The following KMT2E variants were observed in gnomAD, a reference collection of about 807,000 sequenced individuals.
The protein encoded by KMT2E is lysine methyltransferase 2E (inactive).
Under a neutral mutation model 184.6 loss-of-function variants are expected in KMT2E, and 30 were observed. That is an observed-to-expected ratio of 0.16 (90% CI 0.12 to 0.22). The LOEUF is 0.22. Among genes scored for constraint, KMT2E ranks in the 10% least tolerant of loss-of-function variants. KMT2E has a pLI of 1.00. For missense variants in KMT2E, 2,023 were observed against 2,237.4 expected, an observed-to-expected ratio of 0.90 and a Z score of 1.93; for synonymous variants, 815 against 776.5, an observed-to-expected ratio of 1.05 and a Z score of -0.82.
In KMT2E at chr7:105,107,707, T is replaced by C. The variant is rs553878598; in HGVS notation, c.3250T>C (p.Leu1084=). Residue 1084 remains leucine (L), a synonymous_variant, in exon 22 of 27, where the codon TTG becomes CTG. Coordinates refer to ENST00000311117, the MANE Select transcript of KMT2E (RefSeq NM_182931.3). ...TGVNFSVNSN[L]RDLTPSHQLE... ...AGTTAACTTCTCAGTGAACTCCAACTTGAGGGACCTGACACCCTCGCATCA... is the reference window on the plus strand; with the variant it reads ...AGTTAACTTCTCAGTGAACTCCAACCTGAGGGACCTGACACCCTCGCATCA... 3 of 1,614,118 alleles carry C rather than the reference T, an allele frequency of 1.9e-6. No individual in the cohort carries two copies. The South Asian group carries it at 3.3e-5, about 18-fold the overall frequency.
At chr7:105,050,114 C>T (rs990948392) in intron 3 of KMT2E, among the ~76,000 whole-genome samples, 2 of 152,112 alleles carry the variant, frequency 1.3e-5, no homozygotes, top group Non-Finnish European at 2.9e-5. Context: ...TATTTCATTT[C>T]TCTAATCCTC....
At chr7:105,037,286 A>AT in intron 1 of KMT2E, among the ~76,000 whole-genome samples, 1 of 152,030 alleles carries the variant, frequency 6.6e-6, no homozygotes, top group Middle Eastern at 3.4e-3. Context: ...TTAGAAAAAT[A>AT]TTTTTACTCA....
intron 3 of KMT2E, among the ~76,000 whole-genome samples, chr7:105,050,643 CTTT>C (rs372753761): frequency 0.02 from 1,789 of 87,822 alleles, 24 homozygotes; most frequent in East Asian, 0.1. Flanking sequence ...TTTCTCTTTT[CTTT>C]TTTCTTTCTT....
At chr7:105,050,646 T>TC (rs1554385503) in intron 3 of KMT2E, among the ~76,000 whole-genome samples, 3 of 85,130 alleles carry the variant, frequency 3.5e-5, no homozygotes, top group African/African-American at 7.7e-5. Flanking sequence ...CTCTTTTCTT[T>TC]TTTCTTTCTT....
intron 11 of KMT2E, among the ~76,000 whole-genome samples, chr7:105,078,167 G>T (rs185623107): frequency 1.3e-5 from 2 of 152,088 alleles, no homozygotes; most frequent in East Asian, 1.9e-4. Flanking sequence ...GATCTGAAAC[G>T]GTATAAGACA....
chr7:105,110,325 G>C lies in KMT2E; in HGVS notation c.3801G>C (p.Gln1267His). ...AACAAGTCAGAGAAAGGAGTTATCA[G>C]AGAGCTTTACTTCTCAGTGATCACC... is the stretch of plus-strand genomic sequence containing the variant. ...SVEQVRERSY[Q>H]RALLLSDHRK... The change falls in exon 24 of 27, where the codon CAG (glutamine) becomes CAC (histidine). Residue 1267 changes from glutamine to histidine, a missense_variant. Physicochemically the swap from Gln to His is conservative, Grantham distance 24 (BLOSUM62 0). Transcript: ENST00000311117. 1.2e-6 allele frequency: 2 copies of C among 1,614,186 alleles called. No homozygotes were observed. Among genetic ancestry groups the C allele is most frequent in the South Asian group, 1.1e-5 (1 of 91,082 alleles).
intron 1 of KMT2E, among the ~76,000 whole-genome samples, chr7:105,032,533 G>A (rs991437506): frequency 6.6e-6 from 1 of 152,126 alleles, no homozygotes; most frequent in African/African-American, 2.4e-5. Flanking sequence ...ACAGAGTCTT[G>A]GTCTGTTCCC....
Position 105,113,216 on chromosome 7 carries a change from G to A in KMT2E, c.5460G>A (p.Leu1820=). ...GTCCTCATCCTGGCTCTGTGGCCCT[G>A]CCACATGGGGTTCAAGGACCTCAGC... ...GFCPHPGSVA[L]PHGVQGPQQA... Residue 1820 remains leucine, a synonymous_variant, in exon 27 of 27, where the codon CTG becomes CTA. Transcript: ENST00000311117. The A allele has an allele frequency of 1.2e-6, 2 of 1,614,202 alleles. No individual in the cohort carries two copies. Among genetic ancestry groups the A allele is most frequent in the Non-Finnish European group, 1.7e-6 (2 of 1,180,036 alleles).
At chr7:105,034,100 C>G (rs764879204) in intron 1 of KMT2E, among the ~76,000 whole-genome samples, 1 of 152,186 alleles carries the variant, frequency 6.6e-6, no homozygotes, top group Non-Finnish European at 1.5e-5. Flanking sequence ...CACATCGTAA[C>G]CTTGCTTCAC....
In KMT2E at chr7:105,037,420, T is replaced by A. The variant is rs184026200; in HGVS notation, c.-188-706T>A. 2.3e-3 allele frequency among the ~76,000 whole-genome samples: 348 copies of A among 152,258 alleles called. 6 individuals carry two copies. The highest frequency in any genetic ancestry group is 1.4e-3 in the Non-Finnish European group (95 of 68,028). ...CTCTGTCAGCCAGGCTGGAGTGCAG[T>A]TGTGCAATCGTGGCTCACTGCAGCC... On this transcript the variant is annotated intron_variant, in intron 1 of 26. Coordinates refer to ENST00000311117, the MANE Select transcript of KMT2E (RefSeq NM_182931.3).
intron 2 of KMT2E, chr7:105,039,029 T>C (rs997945800): frequency 6.6e-6 from 1 of 152,186 alleles, no homozygotes; most frequent in Non-Finnish European, 1.5e-5. Context: ...AAGGCAGTTA[T>C]GGGGATGTCA....
intron 3 of KMT2E, among the ~76,000 whole-genome samples, chr7:105,054,491 T>G: frequency 6.6e-6 from 1 of 150,976 alleles, no homozygotes; most frequent in Admixed American, 6.6e-5. Context: ...TATCTATCTA[T>G]CTATCTATCT....
chr7:105,112,756 A>G lies in KMT2E; in HGVS notation c.5000A>G (p.His1667Arg). ...GTTCATGCGGTCACCCCTGGGTCGC[A>G]TATTCATTCTCAAACTGCTGGACAC... ...GPVHAVTPGSHIHSQTAGHHL... is the reference protein window; with the variant it reads ...GPVHAVTPGSRIHSQTAGHHL... Residue 1667 changes from histidine (H) to arginine (R), a missense_variant, in exon 27 of 27, where the codon CAT (histidine) becomes CGT (arginine). Transcript: ENST00000311117. The G allele has an allele frequency of 6.2e-7, 1 of 1,612,646 alleles. No homozygotes were observed. Among genetic ancestry groups the G allele is most frequent in the South Asian group, 1.1e-5 (1 of 90,986 alleles).
At chr7:105,035,710 C>T (rs1795622546) in intron 1 of KMT2E, among the ~76,000 whole-genome samples, 1 of 152,038 alleles carries the variant, frequency 6.6e-6, no homozygotes, top group African/African-American at 2.4e-5. Flanking sequence ...CAGGCATGTG[C>T]CACCGTGCCC....
At chr7:105,068,469 T>C (rs1370419882) in intron 6 of KMT2E, among the ~76,000 whole-genome samples, 1 of 151,898 alleles carries the variant, frequency 6.6e-6, no homozygotes, top group Non-Finnish European at 1.5e-5. Flanking sequence ...CTTTTTTTTT[T>C]TTAAGACAGG....
At chr7:105,096,551 T>C (rs553248946) in intron 15 of KMT2E, among the ~76,000 whole-genome samples, 4 of 151,616 alleles carry the variant, frequency 2.6e-5, no homozygotes, top group East Asian at 1.9e-4. Context: ...GCAGGTATTA[T>C]AGTCTAGTCT....
At chr7:105,073,470 G>A (rs1797410108) in intron 6 of KMT2E, 149 bp from the exon 7 acceptor site, 1 of 523,516 alleles carries the variant, frequency 1.9e-6, no homozygotes, top group South Asian at 3.0e-5. Context: ...CTATTAGATT[G>A]TATGTAAACT....
chr7:105,106,931 T>A (rs1017325455), intron 20 of KMT2E, among the ~76,000 whole-genome samples, 159 bp downstream of exon 20: 2 of 152,216 alleles, frequency 1.3e-5, no homozygotes, highest in African/African-American at 4.8e-5. Context: ...TGAATTTAGA[T>A]GTTTTTATTT....
chr7:105,106,454 T>C (rs1798901534), intron 19 of KMT2E, 68 bp from the exon 20 acceptor site: 1 of 1,381,062 alleles, frequency 7.2e-7, no homozygotes, highest in Non-Finnish European at 1.0e-6. Flanking sequence ...TTTCCCAGAA[T>C]GTGACACAAA....
Sources: allele counts gnomAD v4.1 joint callset (sites outside exome capture counted in the v4.1 genomes callset), GRCh38; gene constraint gnomAD v4.1.1; transcripts MANE v1.5; gene names NCBI Gene and HGNC (gene_info 2026-07-23, HGNC 2026-07-21).